Variants in C12orf42 observed in about 807,000 individuals in gnomAD.
The protein encoded by C12orf42 is chromosome 12 open reading frame 42.
Under a neutral mutation model 21.6 loss-of-function variants are expected in C12orf42, and 25 were observed. That is an observed-to-expected ratio of 1.16 (90% CI 0.84 to 1.62). The LOEUF is 1.62. C12orf42 is among the 40% of genes most tolerant of loss of function. C12orf42 has a pLI of 0.00. For synonymous variants in C12orf42, 174 were observed against 175.0 expected, an observed-to-expected ratio of 0.99 and a Z score of 0.05; for missense variants, 483 against 459.3, an observed-to-expected ratio of 1.05 and a Z score of -0.47.
At chr12:103,528,433 A>C in the C12orf42 span, among the ~76,000 whole-genome samples, 1 of 152,136 alleles carries the variant, frequency 6.6e-6, no homozygotes, top group Non-Finnish European at 1.5e-5. Flanking sequence ...TTTGATCCCT[A>C]ATGTTGGAGG....
intron 4 of C12orf42, among the ~76,000 whole-genome samples, chr12:103,358,447 C>T (rs527712602): frequency 6.6e-6 from 1 of 152,112 alleles, no homozygotes; most frequent in South Asian, 2.1e-4. Flanking sequence ...CCAAGTTAAT[C>T]AAGATAGCAA....
At chr12:103,303,456 C>T (rs2037951576) in intron 5 of C12orf42, among the ~76,000 whole-genome samples, 1 of 151,964 alleles carries the variant, frequency 6.6e-6, no homozygotes, top group African/African-American at 2.4e-5. Flanking sequence ...ATTTATGTGC[C>T]TTAAATAAAA....
At chr12:103,493,872 A>T (rs1381710080) in intron 1 of C12orf42, among the ~76,000 whole-genome samples, 1 of 152,180 alleles carries the variant, frequency 6.6e-6, no homozygotes, top group Non-Finnish European at 1.5e-5. Context: ...TAAAGCAAAC[A>T]TTCTTACTAC....
intron 3 of C12orf42, among the ~76,000 whole-genome samples, chr12:103,375,256 C>A (rs1308929999): frequency 1.3e-5 from 2 of 151,930 alleles, no homozygotes; most frequent in African/African-American, 4.8e-5. Context: ...TATCCAAGAC[C>A]GATTTGAATG....
intron 4 of C12orf42, among the ~76,000 whole-genome samples, chr12:103,365,923 T>C (rs752810567): frequency 2.0e-5 from 3 of 151,868 alleles, no homozygotes; most frequent in East Asian, 1.9e-4. Context: ...ACAAATTCAA[T>C]GCAATTCCCA....
intron 4 of C12orf42, among the ~76,000 whole-genome samples, chr12:103,337,868 T>C (rs2041845392): frequency 6.6e-6 from 1 of 152,190 alleles, no homozygotes; most frequent in Non-Finnish European, 1.5e-5. Flanking sequence ...ACCCACTTTT[T>C]TTTTCTGTGC....
chr12:103,479,879 T>C (rs1457994397), intron 1 of C12orf42, among the ~76,000 whole-genome samples: 1 of 152,016 alleles, frequency 6.6e-6, no homozygotes, highest in Admixed American at 6.6e-5. Flanking sequence ...TCTTCTTCAA[T>C]GATCACAAGT....
At chr12:103,216,375 CTT>C in the C12orf42 span, among the ~76,000 whole-genome samples, 11 of 143,316 alleles carry the variant, frequency 7.7e-5, no homozygotes, top group Non-Finnish European at 9.2e-5. Context: ...ACTTTTTTTT[CTT>C]TTTTTTTTTT....
intron 3 of C12orf42, among the ~76,000 whole-genome samples, chr12:103,373,225 C>T (rs778211888): frequency 6.6e-5 from 10 of 152,148 alleles, no homozygotes; most frequent in Admixed American, 1.3e-4. Flanking sequence ...TGATGGATGG[C>T]GCACCTCACG....
At chr12:103,095,775 G>A in the C12orf42 span, among the ~76,000 whole-genome samples, 2 of 152,208 alleles carry the variant, frequency 1.3e-5, no homozygotes, top group East Asian at 3.8e-4. Flanking sequence ...TAAGTATTGA[G>A]TGAATAAATG....
At chr12:103,118,986 C>A in the C12orf42 span, among the ~76,000 whole-genome samples, 2 of 152,068 alleles carry the variant, frequency 1.3e-5, no homozygotes, top group Admixed American at 1.3e-4. Context: ...AGTTTTTAAT[C>A]TCCTCTCCTA....
At chr12:103,140,732 TA>T in the C12orf42 span, among the ~76,000 whole-genome samples, 1 of 151,950 alleles carries the variant, frequency 6.6e-6, no homozygotes, top group Non-Finnish European at 1.5e-5. Context: ...AAACAAACTT[TA>T]AAAAAATGGC....
chr12:103,330,020 G>C (rs777369216), intron 4 of C12orf42, among the ~76,000 whole-genome samples: 5 of 152,046 alleles, frequency 3.3e-5, no homozygotes, highest in Non-Finnish European at 5.9e-5. Flanking sequence ...TTTTTGGAGA[G>C]AGAAAAATGT....
At chr12:103,524,236 G>A in the C12orf42 span, among the ~76,000 whole-genome samples, 2 of 152,170 alleles carry the variant, frequency 1.3e-5, no homozygotes, top group African/African-American at 4.8e-5. Context: ...AGATTAAAGG[G>A]GAGACAAGCT....
At chr12:103,486,944 G>T (rs555543387) in intron 1 of C12orf42, among the ~76,000 whole-genome samples, 1 of 152,256 alleles carries the variant, frequency 6.6e-6, no homozygotes, top group Non-Finnish European at 1.5e-5. Flanking sequence ...GGATTTTTGT[G>T]TCTCTATCTC....
chr12:103,234,186 A>G (rs1402695484), downstream of C12orf42, among the ~76,000 whole-genome samples: 1 of 152,156 alleles, frequency 6.6e-6, no homozygotes, highest in African/African-American at 2.4e-5. Context: ...TTCTCTTTAT[A>G]CATTGTTGGT....
chr12:103,469,879 T>C lies in C12orf42; in HGVS notation c.78+8470A>G, dbSNP rs567184215. ...CTAATTTGACTGGTAAAATGACAGA[T>C]CGAAAGTCACATTTTCAGTTTATGT... On this transcript the variant is annotated intron_variant, in intron 2 of 5. Transcript: ENST00000548883. 1.2e-4 allele frequency among the ~76,000 whole-genome samples: 18 copies of C among 152,322 alleles called. No homozygotes were observed. In the East Asian group the frequency reaches 3.3e-3, roughly 28 times the overall value.
chr12:103,169,178 AAATAAATAAATAAAT>A, the C12orf42 span, among the ~76,000 whole-genome samples: 1 of 150,178 alleles, frequency 6.7e-6, no homozygotes. Flanking sequence ...ATAAATAAAT[AAATAAATAAATAAAT>A]AAATAAAATA....
chr12:103,379,675 A>G (rs1044687919), intron 3 of C12orf42, among the ~76,000 whole-genome samples: 3 of 152,204 alleles, frequency 2.0e-5, no homozygotes, highest in Non-Finnish European at 4.4e-5. Context: ...CACACTGGAT[A>G]TTTGGATGTG....
Sources: allele counts gnomAD v4.1 joint callset (sites outside exome capture counted in the v4.1 genomes callset), GRCh38; gene constraint gnomAD v4.1.1; transcripts MANE v1.5; gene names NCBI Gene and HGNC (gene_info 2026-07-23, HGNC 2026-07-21).